The following WDPCP variants were observed in gnomAD, a reference collection of about 807,000 sequenced individuals.
WDPCP encodes WD repeat containing planar cell polarity effector.
In WDPCP, 71 loss-of-function variants were observed where a neutral mutation model predicts 93.1. That is an observed-to-expected ratio of 0.76 (90% CI 0.63 to 0.93). The LOEUF is 0.93. Ranked by LOEUF, WDPCP falls within the 40% of genes least tolerant of loss-of-function variation. The pLI is 0.00. For missense variants in WDPCP, 844 were observed against 887.4 expected (o/e 0.95, Z 0.62); for synonymous variants, 315 against 315.0 (o/e 1.00, Z 0.00).
At chr2:63,752,334 G>A in intron 2 of WDPCP, 1 of 792,288 alleles carries the variant, frequency 1.3e-6, no homozygotes, top group South Asian at 1.3e-5. Context: ...TTCACAGTTA[G>A]GTGGGCACCT....
chr2:63,231,179 T>A (rs1295846412), intron 14 of WDPCP, among the ~76,000 whole-genome samples: 1 of 152,060 alleles, frequency 6.6e-6, no homozygotes, highest in Non-Finnish European at 1.5e-5. Flanking sequence ...GGGACATATC[T>A]CAAAATAATA....
At chr2:63,466,415 A>G (rs1015587640) in intron 6 of WDPCP, among the ~76,000 whole-genome samples, 2 of 152,186 alleles carry the variant, frequency 1.3e-5, no homozygotes, top group African/African-American at 4.8e-5. Flanking sequence ...ATAAAACGTA[A>G]TATTCTCAAA....
In WDPCP at chr2:63,309,795, C is replaced by CA. The variant is rs1271025497; in HGVS notation, c.1812+3452dup. The stretch of plus-strand genomic sequence containing the variant: ...TTACAAATCAATAACAGAATTAAAA[C>CA]AAAAAAAAACCCCAGTTTCTGGAAA... On this transcript the variant is annotated intron_variant, in intron 13 of 17. Coordinates refer to ENST00000272321, the MANE Select transcript of WDPCP (RefSeq NM_015910.7). Among the ~76,000 whole-genome samples, 893 of 149,850 alleles carry CA rather than the reference C, an allele frequency of 6.0e-3. 8 individuals are homozygous for CA. The highest frequency in any genetic ancestry group is 0.02 in the African/African-American group (824 of 40,872).
rs1257753714 is a variant in WDPCP, at chr2:63,121,272, C to G, written c.*734G>C. The G allele has an allele frequency of 6.6e-6, 1 of 151,882 alleles. No homozygotes were observed. The highest frequency in any genetic ancestry group is 6.6e-5 in the Admixed American group (1 of 15,250). The allele number at this position is 151,882 out of a possible 1,614,324, so 9.4% of individuals were successfully genotyped here. ...CGAGAGAACCATGGAGAATTGTCTT[C>G]TAACAATGGATCTGGGCTGAAAAAT... On this transcript the variant is annotated 3_prime_UTR_variant, in exon 18 of 18. Coordinates refer to ENST00000272321, the MANE Select transcript of WDPCP (RefSeq NM_015910.7).
chr2:63,334,580 C>T (rs1688218138), intron 12 of WDPCP, among the ~76,000 whole-genome samples: 1 of 152,140 alleles, frequency 6.6e-6, no homozygotes, highest in African/African-American at 2.4e-5. Context: ...ATGCATTTAT[C>T]TTAGTGAGTA....
rs549963184 is a variant in WDPCP, at chr2:63,282,255, C to T, written c.1813-22846G>A. Among the ~76,000 whole-genome samples the T allele has an allele frequency of 1.1e-4, 17 of 152,286 alleles. 1 individual carries two copies. The highest frequency in any genetic ancestry group is 3.8e-4 in the African/African-American group (16 of 41,566). ...GGCGCAGTGGCTCACGCCTGTAATCCCAGCACTTTGGGAGGCTGAGGCAGG... is the reference window on the plus strand; with the variant it reads ...GGCGCAGTGGCTCACGCCTGTAATCTCAGCACTTTGGGAGGCTGAGGCAGG... On this transcript the variant is annotated intron_variant, in intron 13 of 17. Transcript: ENST00000272321.
chr2:63,803,835 A>T (rs1670727170), intron 2 of WDPCP, among the ~76,000 whole-genome samples: 1 of 152,258 alleles, frequency 6.6e-6, no homozygotes, highest in South Asian at 2.1e-4. Flanking sequence ...AATTTAAGTT[A>T]CAGAACATGA....
intron 12 of WDPCP, among the ~76,000 whole-genome samples, chr2:63,372,994 A>T (rs1691530179): frequency 6.6e-6 from 1 of 152,014 alleles, no homozygotes; most frequent in Non-Finnish European, 1.5e-5. Context: ...ATGGTGGCGC[A>T]TTCCTGTAAT....
At chr2:63,518,233 T>C (rs1702683640) in intron 1 of WDPCP, 1 of 152,250 alleles carries the variant, frequency 6.6e-6, no homozygotes, top group African/African-American at 2.4e-5. Flanking sequence ...CAAAGACCTC[T>C]TTCTGATCTT....
chr2:63,509,928 G>C (rs1702121360), intron 1 of WDPCP, among the ~76,000 whole-genome samples: 2 of 152,106 alleles, frequency 1.3e-5, no homozygotes, highest in Non-Finnish European at 2.9e-5. Context: ...CTGAAATTGA[G>C]GCAGTAATAT....
chr2:63,166,208 A>C (rs1382907380), intron 15 of WDPCP, among the ~76,000 whole-genome samples: 2 of 151,972 alleles, frequency 1.3e-5, no homozygotes, highest in African/African-American at 4.8e-5. Flanking sequence ...CTGGGACTAC[A>C]GGTGCATGCC....
At chr2:63,356,118 G>C (rs533107133) in intron 12 of WDPCP, among the ~76,000 whole-genome samples, 1 of 151,982 alleles carries the variant, frequency 6.6e-6, no homozygotes, top group East Asian at 1.9e-4. Context: ...AAGAAGCAGG[G>C]GTTGCAATCC....
At chr2:63,253,274 A>G (rs968370844) in intron 14 of WDPCP, among the ~76,000 whole-genome samples, 1 of 152,192 alleles carries the variant, frequency 6.6e-6, no homozygotes, top group African/African-American at 2.4e-5. Context: ...CTCATACCAT[A>G]TAAGAATCCT....
At chr2:63,615,857 T>C (rs1575730436) in intron 3 of WDPCP, among the ~76,000 whole-genome samples, 1 of 152,220 alleles carries the variant, frequency 6.6e-6, no homozygotes, top group East Asian at 1.9e-4. Context: ...TCTTACTTTG[T>C]GGCCCTGAGA....
intron 2 of WDPCP, among the ~76,000 whole-genome samples, chr2:63,799,013 T>G (rs1670658106): frequency 6.6e-6 from 1 of 152,210 alleles, no homozygotes. Flanking sequence ...TAAGATTTAT[T>G]CATGATCTGA....
intron 17 of WDPCP, among the ~76,000 whole-genome samples, chr2:63,149,347 A>G (rs979894276): frequency 6.6e-6 from 1 of 152,220 alleles, no homozygotes; most frequent in Non-Finnish European, 1.5e-5. Context: ...GATGGCAAAC[A>G]TTTAAAAACC....
intron 13 of WDPCP, among the ~76,000 whole-genome samples, chr2:63,278,334 A>G (rs989736383): frequency 2.6e-5 from 4 of 152,220 alleles, no homozygotes; most frequent in African/African-American, 9.6e-5. Flanking sequence ...GAGACAATCT[A>G]AAGTCACACC....
At chr2:63,362,580 C>T (rs970200825) in intron 12 of WDPCP, among the ~76,000 whole-genome samples, 4 of 151,840 alleles carry the variant, frequency 2.6e-5, no homozygotes, top group Admixed American at 1.3e-4. Flanking sequence ...CTAAGGTGTT[C>T]CCATAGATTT....
intron 9 of WDPCP, 66 bp downstream of exon 9, chr2:63,433,679 T>C (rs1198677382): frequency 7.2e-7 from 1 of 1,390,194 alleles, no homozygotes; most frequent in East Asian, 2.5e-5. Flanking sequence ...TATTTCAGAA[T>C]AGAAAATCTA....
Sources: allele counts gnomAD v4.1 joint callset (sites outside exome capture counted in the v4.1 genomes callset), GRCh38; gene constraint gnomAD v4.1.1; transcripts MANE v1.5; gene names NCBI Gene and HGNC (gene_info 2026-07-23, HGNC 2026-07-21).